The following ATG13 variants were observed in gnomAD, a reference collection of about 807,000 sequenced individuals.
ATG13 encodes autophagy-related protein 13.
A neutral mutation model predicts 65.5 loss-of-function variants in ATG13; 23 were observed. The observed-to-expected ratio is 0.35, with a 90% CI of 0.25 to 0.50. ATG13 has a LOEUF of 0.50. ATG13 is among the 20% of genes least tolerant of loss of function. The probability of loss-of-function intolerance (pLI) is 0.98; values close to 1 mark genes in which losing one functional copy is unlikely to be tolerated. For synonymous variants in ATG13, 252 were observed against 245.2 expected, an observed-to-expected ratio of 1.03 and a Z score of -0.26; for missense variants, 566 against 677.0, an observed-to-expected ratio of 0.84 and a Z score of 1.82.
At chr11:46,651,363 C>G (rs1430095530) in intron 7 of ATG13, among the ~76,000 whole-genome samples, 1 of 152,010 alleles carries the variant, frequency 6.6e-6, no homozygotes, top group East Asian at 1.9e-4. Flanking sequence ...AGAATTTGAG[C>G]TGGTAAAAGT....
At chr11:46,634,547 A>G (rs1426767818) in intron 2 of ATG13, among the ~76,000 whole-genome samples, 1 of 151,290 alleles carries the variant, frequency 6.6e-6, no homozygotes, top group Non-Finnish European at 1.5e-5. Flanking sequence ...GGCATGCACC[A>G]ACACACCCAG....
chr11:46,673,344 G>A lies in ATG13; in HGVS notation c.*1012G>A, dbSNP rs528949165. 6.5e-6 allele frequency: 1 copy of A among 153,002 alleles called. No individual in the cohort carries two copies. The highest frequency in any genetic ancestry group is 6.5e-5 in the Admixed American group (1 of 15,414). The allele number at this position is 153,002 out of a possible 1,614,324, so 9.5% of individuals were successfully genotyped here. A position where few individuals can be genotyped will look rare whatever the true frequency, so the allele number is the denominator to read the frequency against. ...GGGGGCAAAGTCACCTCCCAGTGTG[G>A]CTGCACTGGAACTGACTAAAGGCTT... On this transcript the variant is annotated 3_prime_UTR_variant, in exon 19 of 19. Transcript: ENST00000683050.
intron 2 of ATG13, among the ~76,000 whole-genome samples, chr11:46,641,103 T>C (rs1429046293): frequency 1.3e-5 from 2 of 152,218 alleles, no homozygotes; most frequent in South Asian, 4.1e-4. Context: ...GATGGAGTCT[T>C]GCTCCATTGC....
At chr11:46,642,632 A>T (rs1414936486) in intron 2 of ATG13, among the ~76,000 whole-genome samples, 1 of 152,144 alleles carries the variant, frequency 6.6e-6, no homozygotes, top group African/African-American at 2.4e-5. Flanking sequence ...AATATCACCC[A>T]ATCATGCCTA....
In ATG13 at chr11:46,668,533, T is replaced by C. The variant is rs113970509; in HGVS notation, c.1286T>C (p.Met429Thr). The C allele has an allele frequency of 1.9e-6, 3 of 1,614,204 alleles. No homozygotes were observed. Among genetic ancestry groups the C allele is most frequent in the Non-Finnish European group, 1.7e-6 (2 of 1,180,030 alleles). The change falls in exon 16 of 19, where the codon ATG becomes ACG. Residue 429 changes from methionine (M) to threonine (T), a missense_variant. Met to Thr is a moderately conservative substitution (Grantham distance 81, BLOSUM62 -1). This residue lies in a region of ATG13 where 387 missense variants were observed against 409.8 expected (regional missense o/e 0.94). Coordinates refer to ENST00000683050, the MANE Select transcript of ATG13 (RefSeq NM_001346311.2). The part of the protein sequence containing the change: ...TLTSLDIPFA[M>T]FAPKNLELED... ...ACGAGTTTGGATATACCCTTTGCCA[T>C]GTTTGCTCCCAAGAATTTGGAGCTG...
At chr11:46,671,435 G>T (rs1565643005) in intron 18 of ATG13, among the ~76,000 whole-genome samples, 1 of 152,100 alleles carries the variant, frequency 6.6e-6, no homozygotes, top group Non-Finnish European at 1.5e-5. Flanking sequence ...TTCCTCAGCT[G>T]GTATAAAGAT....
intron 8 of ATG13, chr11:46,656,875 A>G: frequency 1.8e-6 from 1 of 550,492 alleles, no homozygotes; most frequent in Non-Finnish European, 3.2e-6. Flanking sequence ...TTGGCTCAAT[A>G]TAGAATACAT....
chr11:46,670,961 A>G (rs866946849), intron 18 of ATG13, among the ~76,000 whole-genome samples: 9 of 152,244 alleles, frequency 5.9e-5, no homozygotes. Context: ...TAGCTTGCTC[A>G]TAGTCACACA....
chr11:46,625,459 G>T (rs1427687986), intron 1 of ATG13: 1 of 151,740 alleles, frequency 6.6e-6, no homozygotes, highest in East Asian at 1.9e-4. Context: ...TATTTTTGTA[G>T]ATAAATGTTA....
intron 10 of ATG13, among the ~76,000 whole-genome samples, chr11:46,659,122 A>G (rs747219801): frequency 2.0e-5 from 3 of 152,200 alleles, no homozygotes; most frequent in Non-Finnish European, 4.4e-5. Context: ...GGAAGGCTGC[A>G]GTGAGACATG....
chr11:46,652,168 A>G (rs2059049752), intron 7 of ATG13, among the ~76,000 whole-genome samples: 1 of 152,000 alleles, frequency 6.6e-6, no homozygotes, highest in Non-Finnish European at 1.5e-5. Context: ...GAATCACTTG[A>G]ACCCAGGAGG....
rs575219575 is a variant in ATG13 at position 46,668,918 on chromosome 11, G to T, written c.1446+8G>T. The T allele has an allele frequency of 4.4e-6, 7 of 1,600,700 alleles. No homozygotes were observed. The highest frequency in any genetic ancestry group is 6.0e-6 in the Non-Finnish European group (7 of 1,169,106). On this transcript the variant is annotated splice_region_variant and intron_variant, in intron 17 of 18. Coordinates refer to ENST00000683050, the MANE Select transcript of ATG13 (RefSeq NM_001346311.2). ...TTTGTTATGATAGACTTTGTAAGTC[G>T]CCGTCACCTTCCTTGACCTTTGCTG...
At chr11:46,663,303 C>G (rs1413673861) in intron 11 of ATG13, among the ~76,000 whole-genome samples, 1 of 151,226 alleles carries the variant, frequency 6.6e-6, no homozygotes, top group Non-Finnish European at 1.5e-5. Flanking sequence ...CAGTAAGACC[C>G]AAAATAATCA....
chr11:46,659,183 G>A (rs950474197), intron 10 of ATG13, among the ~76,000 whole-genome samples: 3 of 152,144 alleles, frequency 2.0e-5, no homozygotes, highest in Non-Finnish European at 4.4e-5. Flanking sequence ...TTAAAAATGA[G>A]AAACAAGAAC....
intron 4 of ATG13, 108 bp from the exon 5 acceptor site, chr11:46,645,762 T>C: frequency 6.9e-7 from 1 of 1,448,000 alleles, no homozygotes; most frequent in South Asian, 1.3e-5. Flanking sequence ...GAATGAATTG[T>C]CTTCCTTAAT....
intron 2 of ATG13, among the ~76,000 whole-genome samples, chr11:46,634,290 G>T (rs2053106836): frequency 6.6e-6 from 1 of 151,782 alleles, no homozygotes; most frequent in African/African-American, 2.4e-5. Flanking sequence ...AATAGAGACG[G>T]GGTTTCACCA....
chr11:46,624,578 C>T (rs1285102088), intron 1 of ATG13, among the ~76,000 whole-genome samples: 2 of 151,798 alleles, frequency 1.3e-5, no homozygotes, highest in Admixed American at 1.3e-4. Flanking sequence ...TCAATTTGAG[C>T]TTGTCCAATC....
intron 11 of ATG13, among the ~76,000 whole-genome samples, chr11:46,661,881 G>T (rs2061297870): frequency 6.6e-6 from 1 of 152,274 alleles, no homozygotes; most frequent in East Asian, 1.9e-4. Flanking sequence ...TCAAAAGCAG[G>T]AGTTAATGTC....
intron 5 of ATG13, among the ~76,000 whole-genome samples, chr11:46,648,198 C>T (rs753496369): frequency 1.3e-5 from 2 of 151,838 alleles, no homozygotes; most frequent in East Asian, 2.0e-4. Context: ...TGGGTTCAAG[C>T]GATTCTCTTG....
Sources: allele counts gnomAD v4.1 joint callset (sites outside exome capture counted in the v4.1 genomes callset), GRCh38; gene constraint gnomAD v4.1.1; regional missense constraint gnomAD v4.1.1; transcripts MANE v1.5; gene names NCBI Gene and HGNC (gene_info 2026-07-23, HGNC 2026-07-21).